Variants in LGR6 observed in about 807,000 individuals in gnomAD.
LGR6 encodes the protein leucine rich repeat containing G protein-coupled receptor 6, also known as leucine-rich repeat-containing G protein-coupled receptor 6.
LGR6 carries 45 observed loss-of-function variants against 69.4 expected under a neutral mutation model. That is an observed-to-expected ratio of 0.65 (90% CI 0.51 to 0.83). The LOEUF (loss-of-function observed/expected upper bound fraction) is 0.83, where lower values mean the gene tolerates loss of function less well. Ranked by LOEUF, LGR6 falls within the 40% of genes least tolerant of loss-of-function variation. LGR6 has a pLI of 0.00. For missense variants in LGR6, 1,108 were observed against 1,246.7 expected, an observed-to-expected ratio of 0.89 and a Z score of 1.68; for synonymous variants, 538 against 555.0, an observed-to-expected ratio of 0.97 and a Z score of 0.43.
intron 4 of LGR6, among the ~76,000 whole-genome samples, chr1:202,247,498 G>A (rs1662816748): frequency 6.6e-6 from 1 of 152,138 alleles, no homozygotes; most frequent in African/African-American, 2.4e-5. Flanking sequence ...CCAACCCTTA[G>A]AACCGCTTTT....
In LGR6 at chr1:202,318,187, G is replaced by A. The variant is rs754420123; in HGVS notation, c.1884G>A (p.Gln628=). The A allele has an allele frequency of 1.7e-5, 27 of 1,613,426 alleles. No homozygotes were observed. Among genetic ancestry groups the A allele is most frequent in the Non-Finnish European group, 2.1e-5 (25 of 1,179,980 alleles). ...CAGTCGATGCCCTGACCTTTGGTCA[G>A]TTCTCTGAGTACGGAGCCCGCTGGG... ...LASVDALTFG[Q]FSEYGARWET... Residue 628 remains glutamine, a synonymous_variant, in exon 18 of 18, where the codon CAG becomes CAA. Coordinates refer to ENST00000367278, the MANE Select transcript of LGR6 (RefSeq NM_001017403.2).
intron 4 of LGR6, among the ~76,000 whole-genome samples, chr1:202,260,422 C>T (rs1208460112): frequency 6.6e-6 from 1 of 152,104 alleles, no homozygotes; most frequent in African/African-American, 2.4e-5. Flanking sequence ...CAGCCTCTGC[C>T]TCCCGGGCTC....
At chr1:202,222,221 T>C (rs1660206135) in intron 1 of LGR6, among the ~76,000 whole-genome samples, 1 of 152,224 alleles carries the variant, frequency 6.6e-6, no homozygotes, top group African/African-American at 2.4e-5. Flanking sequence ...GAGCCAGCCC[T>C]GAATGGGGCT....
intron 1 of LGR6, among the ~76,000 whole-genome samples, chr1:202,208,209 G>A (rs907626025): frequency 2.0e-5 from 3 of 152,178 alleles, no homozygotes; most frequent in African/African-American, 7.2e-5. Context: ...TTGTTCTCTG[G>A]TGGAAGTGGG....
chr1:202,247,555 T>C (rs1273991262), intron 4 of LGR6, among the ~76,000 whole-genome samples: 1 of 152,066 alleles, frequency 6.6e-6, no homozygotes, highest in African/African-American at 2.4e-5. Flanking sequence ...AATGTTAAGG[T>C]TTAGACTGGT....
At position 202,247,265 on chromosome 1, in the gene LGR6, A is replaced by G. The variant is rs530661677; in HGVS notation, c.428+11272A>G. The stretch of plus-strand genomic sequence containing the variant: ...CAGCATCGGCGTCACTTGGGAGTAT[A>G]AGTGCAGACCTGCTCACGCAGATTC... On this transcript the variant is annotated intron_variant, in intron 4 of 17. Coordinates refer to ENST00000367278, the MANE Select transcript of LGR6 (RefSeq NM_001017403.2). Among the ~76,000 whole-genome samples, 73 of 150,762 alleles carry G rather than the reference A, an allele frequency of 4.8e-4. No homozygotes were observed. In the South Asian group the frequency reaches 7.5e-3, roughly 15 times the overall value.
chr1:202,260,589 G>A (rs559357430), intron 4 of LGR6, among the ~76,000 whole-genome samples: 8 of 152,276 alleles, frequency 5.3e-5, no homozygotes, highest in Non-Finnish European at 1.0e-4. Context: ...GCTTCCCAAA[G>A]TGTCGGGAAT....
At chr1:202,263,156 T>G (rs1664375282) in intron 4 of LGR6, among the ~76,000 whole-genome samples, 1 of 152,080 alleles carries the variant, frequency 6.6e-6, no homozygotes, top group Non-Finnish European at 1.5e-5. Flanking sequence ...AGGGTCTCAC[T>G]CTGTTGCCCA....
At chr1:202,202,710 G>A (rs971638392) in intron 1 of LGR6, among the ~76,000 whole-genome samples, 1 of 152,204 alleles carries the variant, frequency 6.6e-6, no homozygotes, top group Non-Finnish European at 1.5e-5. Flanking sequence ...TGGGAGGAGC[G>A]GTGGAGGCAG....
In LGR6 at chr1:202,193,848, C is replaced by T; in HGVS notation, c.-142C>T. ...GACTGCACCGTCCCGGCGCTCCCACCGCCGCCGCCGCCGCCCAATAGAGCC... is the reference window on the plus strand; with the variant it reads ...GACTGCACCGTCCCGGCGCTCCCACTGCCGCCGCCGCCGCCCAATAGAGCC... On this transcript the variant is annotated 5_prime_UTR_variant, in exon 1 of 18. Transcript: ENST00000367278. 1 of 331,708 alleles carries T rather than the reference C, an allele frequency of 3.0e-6. No homozygotes were observed. Among genetic ancestry groups the T allele is most frequent in the Non-Finnish European group, 5.1e-6 (1 of 195,344 alleles). The allele number at this position is 331,708 out of a possible 1,614,324, so 20.5% of individuals were successfully genotyped here.
intron 1 of LGR6, among the ~76,000 whole-genome samples, chr1:202,206,563 T>A (rs1169966157): frequency 6.6e-6 from 1 of 152,132 alleles, no homozygotes; most frequent in East Asian, 1.9e-4. Context: ...TTATTTTATT[T>A]TTTCGAGACA....
chr1:202,238,910 C>G (rs1270649531), intron 4 of LGR6, among the ~76,000 whole-genome samples: 1 of 152,172 alleles, frequency 6.6e-6, no homozygotes, highest in Non-Finnish European at 1.5e-5. Flanking sequence ...ATCCCGAGAG[C>G]TCCCCAACAG....
intron 1 of LGR6, among the ~76,000 whole-genome samples, chr1:202,222,826 G>A (rs919463277): frequency 2.0e-5 from 3 of 152,180 alleles, no homozygotes; most frequent in Non-Finnish European, 4.4e-5. Context: ...CCACAGGCTG[G>A]GCGCAGTGGC....
At chr1:202,234,277 A>G (rs1008738519) in intron 3 of LGR6, among the ~76,000 whole-genome samples, 1 of 152,134 alleles carries the variant, frequency 6.6e-6, no homozygotes, top group African/African-American at 2.4e-5. Context: ...GGGGTCCCCA[A>G]AGTCTGTCTT....
intron 4 of LGR6, among the ~76,000 whole-genome samples, chr1:202,262,071 A>G (rs1350548837): frequency 2.0e-5 from 3 of 152,180 alleles, no homozygotes; most frequent in African/African-American, 7.2e-5. Context: ...TTTGCTGTGC[A>G]GAAGCTCTTT....
chr1:202,215,020 T>TGTGTGTGTGTGC (rs144255206), intron 1 of LGR6, among the ~76,000 whole-genome samples: 21 of 135,812 alleles, frequency 1.5e-4, no homozygotes, highest in Non-Finnish European at 2.5e-4. Context: ...TGTGTGTGTG[T>TGTGTGTGTGTGC]GCGCGCGCGC....
At chr1:202,230,830 G>T (rs1313443745) in intron 3 of LGR6, among the ~76,000 whole-genome samples, 1 of 152,202 alleles carries the variant, frequency 6.6e-6, no homozygotes. Context: ...ACATAAGATG[G>T]TCTGGCATCT....
chr1:202,261,768 T>G (rs1664253851), intron 4 of LGR6, among the ~76,000 whole-genome samples: 1 of 152,250 alleles, frequency 6.6e-6, no homozygotes, highest in Admixed American at 6.5e-5. Context: ...TTTTTAATGA[T>G]TGCCATTCTA....
intron 6 of LGR6, among the ~76,000 whole-genome samples, chr1:202,284,716 T>G (rs1370512550): frequency 1.3e-5 from 2 of 152,072 alleles, no homozygotes; most frequent in African/African-American, 4.8e-5. Context: ...TTTGAAAATC[T>G]TCGCAAGAAA....
Sources: gnomAD v4.1 joint callset for allele counts (sites outside exome capture counted in the v4.1 genomes callset) on GRCh38, gnomAD v4.1.1 for gene constraint, MANE v1.5 for transcripts, NCBI Gene and HGNC (gene_info 2026-07-23, HGNC 2026-07-21) for gene names.